The following GPC6 variants were observed in gnomAD, a reference collection of about 807,000 sequenced individuals.
The protein encoded by GPC6 is glypican-6.
A neutral mutation model predicts 55.2 loss-of-function variants in GPC6; 14 were observed. The observed-to-expected ratio is 0.25, with a 90% CI of 0.17 to 0.40. The LOEUF is 0.40. GPC6 is among the 10% of genes least tolerant of loss of function. The pLI, the probability that GPC6 is intolerant of heterozygous loss-of-function variation, is 1.00. For synonymous variants in GPC6, 278 were observed against 259.6 expected (o/e 1.07, Z -0.68); for missense variants, 641 against 708.5 (o/e 0.90, Z 1.08).
chr13:94,214,673 G>A (rs988915644), intron 4 of GPC6, among the ~76,000 whole-genome samples: 1 of 151,972 alleles, frequency 6.6e-6, no homozygotes, highest in African/African-American at 2.4e-5. Context: ...TTCCCGTATT[G>A]ATGGAAGAAC....
intron 4 of GPC6, among the ~76,000 whole-genome samples, chr13:94,217,419 A>G (rs1334913626): frequency 1.3e-5 from 2 of 152,210 alleles, no homozygotes; most frequent in Admixed American, 1.3e-4. Flanking sequence ...AGATTGAAAC[A>G]GGAAGTAAAC....
intron 1 of GPC6, among the ~76,000 whole-genome samples, chr13:93,525,880 C>G (rs1007097679): frequency 6.6e-6 from 1 of 152,000 alleles, no homozygotes; most frequent in Non-Finnish European, 1.5e-5. Flanking sequence ...TGGTTTCAGC[C>G]CAGTGGCTCA....
At chr13:93,614,372 G>A (rs142146241) in intron 2 of GPC6, among the ~76,000 whole-genome samples, 3 of 152,264 alleles carry the variant, frequency 2.0e-5, no homozygotes, top group East Asian at 1.9e-4. Flanking sequence ...GTCGTTGAAT[G>A]GTTAAGAACA....
At chr13:93,391,831 ATTCTTTAATATATATATTTTGCTTTT>A (rs1875644325) in intron 1 of GPC6, among the ~76,000 whole-genome samples, 1 of 152,068 alleles carries the variant, frequency 6.6e-6, no homozygotes, top group African/African-American at 2.4e-5. Flanking sequence ...GTTACGGCAG[ATTCTTTAATATATATATTTTGCTTTT>A]TTCCTATAGA....
intron 3 of GPC6, chr13:93,830,856 G>C (rs1278218457): frequency 3.6e-5 from 11 of 302,672 alleles, no homozygotes; most frequent in Admixed American, 9.7e-5. Flanking sequence ...ATGATCATTT[G>C]ATATTTCTGA....
chr13:93,801,622 G>C (rs923373205), intron 2 of GPC6, among the ~76,000 whole-genome samples: 2 of 152,126 alleles, frequency 1.3e-5, no homozygotes, highest in Non-Finnish European at 2.9e-5. Context: ...TCAGAAGAGA[G>C]AGTTTTCTAC....
intron 1 of GPC6, among the ~76,000 whole-genome samples, chr13:93,232,125 G>T (rs1477133757): frequency 1.3e-5 from 2 of 148,960 alleles, no homozygotes; most frequent in Non-Finnish European, 1.5e-5. Context: ...CAGTTTCCAT[G>T]GAGATATCAC....
intron 3 of GPC6, among the ~76,000 whole-genome samples, chr13:93,963,630 G>A (rs779827005): frequency 6.6e-6 from 1 of 152,142 alleles, no homozygotes; most frequent in Admixed American, 6.5e-5. Context: ...GCTAAATGGC[G>A]TATGTTTGTC....
intron 2 of GPC6, among the ~76,000 whole-genome samples, chr13:93,741,853 T>C (rs1417928116): frequency 6.6e-6 from 1 of 152,218 alleles, no homozygotes; most frequent in Non-Finnish European, 1.5e-5. Flanking sequence ...GCAAATTCTC[T>C]CTCATCTTAC....
chr13:94,323,962 C>T (rs555196598), intron 6 of GPC6, among the ~76,000 whole-genome samples: 2 of 152,214 alleles, frequency 1.3e-5, no homozygotes, highest in South Asian at 2.1e-4. Flanking sequence ...AAGCTTTTCT[C>T]GGCACATTTA....
intron 1 of GPC6, among the ~76,000 whole-genome samples, chr13:93,349,137 C>T (rs184170109): frequency 1.8e-4 from 28 of 152,242 alleles, no homozygotes; most frequent in East Asian, 1.9e-4. Context: ...GAAATGAATT[C>T]GGTCATATCT....
intron 2 of GPC6, among the ~76,000 whole-genome samples, chr13:93,577,844 G>A (rs1566432558): frequency 6.6e-6 from 1 of 151,934 alleles, no homozygotes; most frequent in Non-Finnish European, 1.5e-5. Flanking sequence ...GTTGGCTGTG[G>A]GTTTGTCAAC....
At chr13:93,835,321 G>C (rs1021477204) in intron 3 of GPC6, among the ~76,000 whole-genome samples, 1 of 152,114 alleles carries the variant, frequency 6.6e-6, no homozygotes, top group Non-Finnish European at 1.5e-5. Context: ...CAGTCATGGT[G>C]GCATGCACCT....
intron 5 of GPC6, among the ~76,000 whole-genome samples, chr13:94,302,932 AC>A (rs1416706052): frequency 3.9e-5 from 6 of 152,254 alleles, no homozygotes; most frequent in African/African-American, 1.2e-4. Flanking sequence ...CTGAATTAGG[AC>A]AAACCGAGGC....
At chr13:94,312,463 G>A (rs540506484) in intron 6 of GPC6, among the ~76,000 whole-genome samples, 8 of 152,234 alleles carry the variant, frequency 5.3e-5, no homozygotes, top group African/African-American at 1.9e-4. Context: ...GTTTTGGTGC[G>A]ATTTAGAAAC....
At chr13:94,019,912 G>A (rs1279165909) in intron 3 of GPC6, among the ~76,000 whole-genome samples, 1 of 151,916 alleles carries the variant, frequency 6.6e-6, no homozygotes, top group Non-Finnish European at 1.5e-5. Flanking sequence ...TTCTCTCTTT[G>A]ATAGTCAGCC....
At chr13:93,264,487 G>T (rs937927733) in intron 1 of GPC6, among the ~76,000 whole-genome samples, 1 of 152,128 alleles carries the variant, frequency 6.6e-6, no homozygotes, top group African/African-American at 2.4e-5. Flanking sequence ...ATAGCTCCCT[G>T]CAGCCTCTAA....
chr13:93,252,143 G>A lies in GPC6; in HGVS notation c.160+24527G>A, dbSNP rs556192271. On this transcript the variant is annotated intron_variant, in intron 1 of 8. Transcript: ENST00000377047. ...TGAGAGTTTTTGATTCAGTAGATCT[G>A]AGATGGAGCCCAAATTGTGTTTCTA... 3.3e-4 allele frequency among the ~76,000 whole-genome samples: 50 copies of A among 152,296 alleles called. No homozygotes were observed. In the South Asian group the frequency reaches 0.01, roughly 31 times the overall value.
chr13:93,868,383 T>A (rs976182491), intron 3 of GPC6, among the ~76,000 whole-genome samples: 2 of 151,784 alleles, frequency 1.3e-5, no homozygotes, highest in African/African-American at 4.8e-5. Context: ...TTTATTAAGT[T>A]AATAATAATT....
Sources: gnomAD v4.1 joint callset for allele counts (sites outside exome capture counted in the v4.1 genomes callset) on GRCh38, gnomAD v4.1.1 for gene constraint, MANE v1.5 for transcripts, NCBI Gene and HGNC (gene_info 2026-07-23, HGNC 2026-07-21) for gene names.